TNKS: variants seen among roughly 807,000 people sequenced by gnomAD.
TNKS encodes tankyrase.
TNKS carries 72 observed loss-of-function variants against 135.8 expected under a neutral mutation model. The observed-to-expected ratio is 0.53, with a 90% CI of 0.44 to 0.64. TNKS has a LOEUF of 0.64. TNKS is among the 30% of genes least tolerant of loss of function. The pLI, the probability that TNKS is intolerant of heterozygous loss-of-function variation, is 0.00. For missense variants in TNKS, 1,769 were observed against 1,674.0 expected (o/e 1.06, Z -0.99); for synonymous variants, 849 against 649.3 (o/e 1.31, Z -4.68).
rs377343873 is a variant in TNKS at position 9,726,624 on chromosome 8, T to C, written c.1922-17T>C. 5.7e-6 allele frequency: 9 copies of C among 1,589,362 alleles called. No individual in the cohort carries two copies. The highest frequency in any genetic ancestry group is 2.7e-5 in the African/African-American group (2 of 74,114). On this transcript the variant is annotated splice_polypyrimidine_tract_variant and intron_variant, in intron 12 of 26. Transcript: ENST00000310430. ...AGTTTGGATATATATATGAGTTCTT[T>C]CCTTCCTTTTATGCAGAGAGTACAC...
rs751340398 is a variant in TNKS at position 9,556,230 on chromosome 8, T to C, written c.291T>C (p.Cys97=). The C allele has an allele frequency of 3.7e-6, 6 of 1,614,070 alleles. No homozygotes were observed. The highest frequency in any genetic ancestry group is 4.2e-6 in the Non-Finnish European group (5 of 1,180,040). The change falls in exon 1 of 27, where the codon TGT becomes TGC. Residue 97 remains cysteine, a synonymous_variant. Coordinates refer to ENST00000310430, the MANE Select transcript of TNKS (RefSeq NM_003747.3). ...TSCCSTTSTI[C]TVAAAPVVPA... is the part of the protein sequence containing the mutation. ...GTTGCAGTACCACCAGCACAATCTG[T>C]ACCGTCGCCGCCGCTCCCGTGGTCC...
intron 18 of TNKS, 34 bp downstream of exon 18, chr8:9,748,246 C>T (rs1806338005): frequency 4.9e-6 from 7 of 1,416,742 alleles, no homozygotes; most frequent in Non-Finnish European, 6.5e-6. Flanking sequence ...ATTATTGTTC[C>T]TTCTACTTTC....
At chr8:9,733,009 G>A (rs1020181438) in intron 14 of TNKS, among the ~76,000 whole-genome samples, 1 of 152,152 alleles carries the variant, frequency 6.6e-6, no homozygotes, top group South Asian at 2.1e-4. Context: ...TTTCATTAGC[G>A]AAACTCATAA....
rs1341949305 is a variant in TNKS at position 9,776,560 on chromosome 8, AT to A, written c.3898-88del. The A allele has an allele frequency of 2.8e-5, 35 of 1,233,710 alleles. No individual in the cohort carries two copies. In the South Asian group the frequency reaches 4.0e-4, roughly 14 times the overall value. 76.4% of individuals were successfully genotyped at this position (1,233,710 alleles called of 1,614,324 possible). A position where few individuals can be genotyped will look rare whatever the true frequency, so the allele number is the denominator to read the frequency against. On this transcript the variant is annotated intron_variant, in intron 26 of 26. Coordinates refer to ENST00000310430, the MANE Select transcript of TNKS (RefSeq NM_003747.3). ...GAGTCTATATAGAATATTGGTCACGATTAACAGCCTTTGAGGCTTCCACATT... is the reference window on the plus strand; with the variant it reads ...GAGTCTATATAGAATATTGGTCACGATAACAGCCTTTGAGGCTTCCACATT...
intron 2 of TNKS, among the ~76,000 whole-genome samples, chr8:9,610,281 G>C (rs946199108): frequency 6.9e-6 from 1 of 145,246 alleles, no homozygotes; most frequent in Non-Finnish European, 1.5e-5. Context: ...AGATAAAAGA[G>C]TTTTTAAAAA....
At chr8:9,714,388 C>T (rs1162047746) in intron 11 of TNKS, among the ~76,000 whole-genome samples, 2 of 151,380 alleles carry the variant, frequency 1.3e-5, no homozygotes, top group Admixed American at 6.6e-5. Flanking sequence ...TAGTGCTTAA[C>T]ACACAGATAA....
chr8:9,680,271 A>G (rs1802728436), intron 4 of TNKS, among the ~76,000 whole-genome samples: 1 of 152,296 alleles, frequency 6.6e-6, no homozygotes, highest in South Asian at 2.1e-4. Flanking sequence ...TTAAATACCT[A>G]TATCTTCATT....
intron 2 of TNKS, among the ~76,000 whole-genome samples, chr8:9,586,086 A>C (rs868087933): frequency 1.1e-3 from 167 of 152,302 alleles, no homozygotes; most frequent in African/African-American, 3.6e-3. Flanking sequence ...TAGAAAGTAC[A>C]TGCTCATTAT....
intron 3 of TNKS, among the ~76,000 whole-genome samples, chr8:9,663,906 T>G (rs548162637): frequency 6.6e-6 from 1 of 152,264 alleles, no homozygotes; most frequent in African/African-American, 2.4e-5. Flanking sequence ...ACCCTGTCCC[T>G]TGGGGTTTCT....
At chr8:9,707,123 A>G in intron 8 of TNKS, 126 bp downstream of exon 8, 1 of 802,768 alleles carries the variant, frequency 1.2e-6, no homozygotes, top group Non-Finnish European at 1.8e-6. Context: ...CCTCATTTCT[A>G]ATTGTATACT....
intron 26 of TNKS, among the ~76,000 whole-genome samples, chr8:9,771,386 GAGAA>G (rs1208962679): frequency 7.8e-5 from 8 of 102,794 alleles, no homozygotes; most frequent in Non-Finnish European, 1.9e-4. Flanking sequence ...GAGGGAAAGA[GAGAA>G]AGGGAGGGAA....
chr8:9,646,190 C>G (rs913382289), intron 3 of TNKS, among the ~76,000 whole-genome samples: 19 of 152,054 alleles, frequency 1.2e-4, no homozygotes, highest in African/African-American at 3.9e-4. Context: ...TCTTCTCTTG[C>G]TCTTGAGATT....
At chr8:9,770,592 G>T (rs1296005837) in intron 26 of TNKS, among the ~76,000 whole-genome samples, 1 of 152,212 alleles carries the variant, frequency 6.6e-6, no homozygotes, top group African/African-American at 2.4e-5. Flanking sequence ...GGCAGCTGCT[G>T]TTAGTGGGTC....
At chr8:9,773,368 A>G (rs562809484) in intron 26 of TNKS, among the ~76,000 whole-genome samples, 1 of 152,272 alleles carries the variant, frequency 6.6e-6, no homozygotes, top group East Asian at 1.9e-4. Flanking sequence ...ACAGCATAAG[A>G]ATATGGTTAT....
At chr8:9,741,583 GCA>G in intron 17 of TNKS, 1 of 337,412 alleles carries the variant, frequency 3.0e-6, no homozygotes, top group East Asian at 6.4e-5. Context: ...TCTTCACCTT[GCA>G]CAGTCTTTAT....
chr8:9,612,705 G>A (rs1288576733), intron 2 of TNKS, among the ~76,000 whole-genome samples: 1 of 152,064 alleles, frequency 6.6e-6, no homozygotes, highest in South Asian at 2.1e-4. Context: ...TGGTAGAGTC[G>A]AGGGAGGGAT....
chr8:9,587,520 C>T (rs1798430637), intron 2 of TNKS, among the ~76,000 whole-genome samples: 1 of 152,020 alleles, frequency 6.6e-6, no homozygotes, highest in African/African-American at 2.4e-5. Context: ...CTGCCTCAGC[C>T]TCCTGAGTAG....
rs1391954608 is a variant in TNKS at position 9,647,785 on chromosome 8, A to G, written c.994+32108A>G. Reference sequence around the variant, plus strand: ...GCAGAATATAGTCATGCATCACTTAATGAACGACATAAGTTCTATGAAATG... The same window carrying G: ...GCAGAATATAGTCATGCATCACTTAGTGAACGACATAAGTTCTATGAAATG... On this transcript the variant is annotated intron_variant, in intron 3 of 26. Transcript: ENST00000310430. Among the ~76,000 whole-genome samples, 4 of 152,236 alleles carry G rather than the reference A, an allele frequency of 2.6e-5. No individual in the cohort carries two copies. The East Asian group carries it at 7.7e-4, about 29-fold the overall frequency.
At chr8:9,648,029 A>G (rs1327551218) in intron 3 of TNKS, among the ~76,000 whole-genome samples, 1 of 152,136 alleles carries the variant, frequency 6.6e-6, no homozygotes, top group South Asian at 2.1e-4. Context: ...AAAATATGGT[A>G]TAAAATATGA....
Sources: gnomAD v4.1 joint callset for allele counts (sites outside exome capture counted in the v4.1 genomes callset) on GRCh38, gnomAD v4.1.1 for gene constraint, MANE v1.5 for transcripts, NCBI Gene and HGNC (gene_info 2026-07-23, HGNC 2026-07-21) for gene names.